RELN: variants seen among roughly 807,000 people sequenced by gnomAD.
The protein encoded by RELN is reelin.
In RELN, 108 loss-of-function variants were observed where a neutral mutation model predicts 427.6. That is an observed-to-expected ratio of 0.25 (90% confidence interval 0.22 to 0.30). The LOEUF is 0.30. Among genes scored for constraint, RELN ranks in the 10% least tolerant of loss-of-function variants. RELN has a pLI of 1.00. For missense variants in RELN, 3,715 were observed against 4,302.8 expected, an observed-to-expected ratio of 0.86 and a Z score of 3.82; for synonymous variants, 1,524 against 1,513.4, an observed-to-expected ratio of 1.01 and a Z score of -0.16.
chr7:103,955,174 A>G (rs1372083398), intron 1 of RELN, among the ~76,000 whole-genome samples: 1 of 152,224 alleles, frequency 6.6e-6, no homozygotes, highest in Non-Finnish European at 1.5e-5. Flanking sequence ...GAAGCCAGGG[A>G]TCCAGTCTTA....
At chr7:103,527,749 A>G (rs889925082) in intron 46 of RELN, among the ~76,000 whole-genome samples, 1 of 152,208 alleles carries the variant, frequency 6.6e-6, no homozygotes, top group Non-Finnish European at 1.5e-5. Flanking sequence ...ATTTCTTTGT[A>G]TTAACCTATC....
chr7:103,972,780 C>A (rs1490499279), intron 1 of RELN, among the ~76,000 whole-genome samples: 1 of 152,104 alleles, frequency 6.6e-6, no homozygotes, highest in Non-Finnish European at 1.5e-5. Flanking sequence ...TTAGAAAGAA[C>A]AAGAAACCTA....
At chr7:103,967,990 T>C (rs1192627838) in intron 1 of RELN, among the ~76,000 whole-genome samples, 1 of 150,714 alleles carries the variant, frequency 6.6e-6, no homozygotes, top group African/African-American at 2.4e-5. Context: ...AGTACATATT[T>C]CTCAAACTGT....
intron 9 of RELN, among the ~76,000 whole-genome samples, chr7:103,699,644 A>G (rs1834050456): frequency 6.6e-6 from 1 of 152,146 alleles, no homozygotes; most frequent in South Asian, 2.1e-4. Context: ...TTCAACTATG[A>G]TATATAACAT....
At chr7:103,872,915 G>GT (rs948732620) in intron 2 of RELN, among the ~76,000 whole-genome samples, 54 of 150,046 alleles carry the variant, frequency 3.6e-4, no homozygotes, top group African/African-American at 9.0e-4. Flanking sequence ...GGGGTTGTTT[G>GT]TTTTTTTTTG....
chr7:103,720,835 C>T (rs1790058485), intron 8 of RELN, among the ~76,000 whole-genome samples: 1 of 152,062 alleles, frequency 6.6e-6, no homozygotes, highest in Non-Finnish European at 1.5e-5. Context: ...CACCCTTATA[C>T]CTCGTAAACA....
intron 4 of RELN, among the ~76,000 whole-genome samples, chr7:103,770,381 G>A (rs1411781638): frequency 6.6e-6 from 1 of 152,106 alleles, no homozygotes; most frequent in Non-Finnish European, 1.5e-5. Flanking sequence ...ACCGCGCCCC[G>A]CCCAGCCCAA....
chr7:103,589,795 T>C lies in RELN; in HGVS notation c.3946A>G (p.Thr1316Ala). Residue 1316 changes from threonine to alanine, a missense_variant, in exon 28 of 65, where the codon ACT becomes GCT. By Grantham distance (58) the Thr-to-Ala change is moderately conservative. Coordinates refer to ENST00000428762, the MANE Select transcript of RELN (RefSeq NM_005045.4). Reference sequence around the variant, plus strand: ...GAGTACTGAAGAAGAACTGGAGCAGTACTGCTGAATTGATTGGCACAACCT... The same window carrying C: ...GAGTACTGAAGAAGAACTGGAGCAGCACTGCTGAATTGATTGGCACAACCT... Reference protein sequence around the residue: ...NIGCANQFSSTAPVLLQYSHD... With the variant: ...NIGCANQFSSAAPVLLQYSHD... 6.2e-7 allele frequency: 1 copy of C among 1,611,696 alleles called. No individual in the cohort carries two copies. The highest frequency in any genetic ancestry group is 8.5e-7 in the Non-Finnish European group (1 of 1,177,740).
intron 60 of RELN, among the ~76,000 whole-genome samples, chr7:103,489,203 GGTGTGTGTGTGTGT>G (rs3051647): frequency 4.7e-5 from 7 of 147,868 alleles, no homozygotes; most frequent in East Asian, 2.0e-4. Flanking sequence ...GTCATAAAGG[GGTGTGTGTGTGTGT>G]GTGTGTGTGT....
intron 2 of RELN, among the ~76,000 whole-genome samples, chr7:103,846,323 G>C (rs1324027569): frequency 6.6e-6 from 1 of 151,994 alleles, no homozygotes; most frequent in East Asian, 1.9e-4. Context: ...AGAAACAATG[G>C]GGAAATGATT....
At chr7:103,660,153 T>C (rs1443034474) in intron 12 of RELN, among the ~76,000 whole-genome samples, 3 of 152,240 alleles carry the variant, frequency 2.0e-5, no homozygotes, top group East Asian at 3.9e-4. Flanking sequence ...AATCAAAATA[T>C]GGTATGAAAT....
chr7:103,870,359 AAG>A (rs1794301098), intron 2 of RELN, among the ~76,000 whole-genome samples: 1 of 150,948 alleles, frequency 6.6e-6, no homozygotes, highest in Admixed American at 6.6e-5. Flanking sequence ...TTTTTTTCTG[AAG>A]AGTTTTGATT....
chr7:103,717,383 T>A (rs1584431867), intron 8 of RELN, among the ~76,000 whole-genome samples: 1 of 151,006 alleles, frequency 6.6e-6, no homozygotes, highest in Non-Finnish European at 1.5e-5. Context: ...AAAAAGGTCA[T>A]CTCTGGGATG....
At chr7:103,773,558 C>T (rs941093993) in intron 4 of RELN, among the ~76,000 whole-genome samples, 8 of 151,830 alleles carry the variant, frequency 5.3e-5, no homozygotes, top group Non-Finnish European at 8.8e-5. Flanking sequence ...CAACCTCCGC[C>T]TCCCAGGTTC....
chr7:103,844,499 C>T (rs189139278), intron 2 of RELN, among the ~76,000 whole-genome samples: 2 of 152,248 alleles, frequency 1.3e-5, no homozygotes, highest in East Asian at 1.9e-4. Flanking sequence ...AAGATTAACA[C>T]ATTTTTTCAT....
At chr7:103,578,921 T>C (rs747150486) in intron 28 of RELN, among the ~76,000 whole-genome samples, 2 of 152,242 alleles carry the variant, frequency 1.3e-5, no homozygotes, top group Non-Finnish European at 2.9e-5. Context: ...GCACTGCATA[T>C]ATTCTGGAAA....
At chr7:103,548,332 G>GTA (rs71519153) in intron 41 of RELN, among the ~76,000 whole-genome samples, 77 of 152,096 alleles carry the variant, frequency 5.1e-4, no homozygotes, top group African/African-American at 1.8e-3. Flanking sequence ...ATGGATTTTT[G>GTA]TATATATATA....
intron 10 of RELN, among the ~76,000 whole-genome samples, chr7:103,685,502 G>A (rs1369153992): frequency 1.3e-5 from 2 of 152,040 alleles, no homozygotes; most frequent in Non-Finnish European, 2.9e-5. Context: ...TTGACATATG[G>A]TGAATATATA....
intron 2 of RELN, among the ~76,000 whole-genome samples, 171 bp from the exon 3 acceptor site, chr7:103,833,843 C>T (rs369443475): frequency 1.4e-4 from 21 of 152,136 alleles, no homozygotes; most frequent in Admixed American, 3.3e-4. Context: ...AAATTAATCA[C>T]TTAAAATATT....
Sources: allele counts gnomAD v4.1 joint callset (sites outside exome capture counted in the v4.1 genomes callset), GRCh38; gene constraint gnomAD v4.1.1; transcripts MANE v1.5; gene names NCBI Gene and HGNC (gene_info 2026-07-23, HGNC 2026-07-21).